Variants in DCK observed in about 807,000 individuals in gnomAD.
DCK encodes deoxycytidine kinase.
Under a neutral mutation model 38.3 loss-of-function variants are expected in DCK, and 23 were observed. That is an observed-to-expected ratio of 0.60 (90% CI 0.43 to 0.85). The LOEUF (loss-of-function observed/expected upper bound fraction) is 0.85. Ranked by LOEUF, DCK falls within the 40% of genes least tolerant of loss-of-function variation. DCK has a pLI of 0.00. For synonymous variants in DCK, 108 were observed against 100.6 expected (o/e 1.07, Z -0.44); for missense variants, 259 against 304.4 (o/e 0.85, Z 1.11).
chr4:71,003,418 T>C (rs1467269775), intron 2 of DCK, among the ~76,000 whole-genome samples: 3 of 152,220 alleles, frequency 2.0e-5, no homozygotes, highest in African/African-American at 7.2e-5. Context: ...CCTTGGTGAA[T>C]CTGACGATTA....
intron 2 of DCK, among the ~76,000 whole-genome samples, chr4:71,014,347 T>A (rs973216944): frequency 6.6e-6 from 1 of 152,084 alleles, no homozygotes; most frequent in Non-Finnish European, 1.5e-5. Flanking sequence ...ACTGTCGACA[T>A]TAGACAGATG....
chr4:70,998,984 TA>T (rs1296715249), intron 2 of DCK, among the ~76,000 whole-genome samples: 1 of 152,134 alleles, frequency 6.6e-6, no homozygotes, highest in African/African-American at 2.4e-5. Flanking sequence ...TTATGCACTT[TA>T]AGTAAAGTAT....
chr4:70,994,698 C>G (rs1578416010), intron 1 of DCK, among the ~76,000 whole-genome samples: 1 of 152,098 alleles, frequency 6.6e-6, no homozygotes, highest in Admixed American at 6.5e-5. Context: ...ATATTATTAA[C>G]GAAACTCGAA....
chr4:71,017,480 A>G (rs1740300860), intron 2 of DCK, among the ~76,000 whole-genome samples: 1 of 152,074 alleles, frequency 6.6e-6, no homozygotes, highest in African/African-American at 2.4e-5. Context: ...ACATGCACAC[A>G]TATGTTTATT....
At chr4:71,012,328 C>A (rs1308596292) in intron 2 of DCK, among the ~76,000 whole-genome samples, 1 of 151,858 alleles carries the variant, frequency 6.6e-6, no homozygotes, top group Non-Finnish European at 1.5e-5. Flanking sequence ...TCTGTAGACT[C>A]CACCTCTGGG....
In DCK at chr4:71,020,282, A is replaced by T. The variant is rs370627414; in HGVS notation, c.208-2085A>T. Among the ~76,000 whole-genome samples, 3 of 152,200 alleles carry T rather than the reference A, an allele frequency of 2.0e-5. No individual in the cohort carries two copies. In the East Asian group the frequency reaches 5.8e-4, roughly 29 times the overall value. ...TATAGGTAGAGACAGGCTTGATTAG[A>T]TTTACTTTCAATTCTTTTTTGGCAA... On this transcript the variant is annotated intron_variant, in intron 2 of 6. Transcript: ENST00000286648.
At chr4:71,012,876 C>A (rs1204144552) in intron 2 of DCK, among the ~76,000 whole-genome samples, 1 of 152,254 alleles carries the variant, frequency 6.6e-6, no homozygotes, top group Non-Finnish European at 1.5e-5. Flanking sequence ...TCCAAAGGAA[C>A]ACAGCTCCTC....
At chr4:71,022,327 T>C in intron 2 of DCK, 40 bp from the exon 3 acceptor site, 3 of 1,223,384 alleles carry the variant, frequency 2.5e-6, no homozygotes, top group Non-Finnish European at 3.4e-6. Flanking sequence ...CTATTGACCA[T>C]TAATTTTGCT....
rs1022491060 is a variant in DCK, at chr4:71,030,901, G to C, written c.*1523G>C. The C allele has an allele frequency of 2.0e-5, 3 of 152,102 alleles. No homozygotes were observed. Among genetic ancestry groups the C allele is most frequent in the Admixed American group, 2.0e-4 (3 of 15,288 alleles). 9.4% of individuals were successfully genotyped at this position (152,102 alleles called of 1,614,324 possible). On this transcript the variant is annotated 3_prime_UTR_variant, in exon 7 of 7. Transcript: ENST00000286648. The stretch of plus-strand genomic sequence containing the variant: ...GCTAATAAAAATTTATTATTTATTT[G>C]TCATGACTCAAAAGTTGTCTCAGTG...
intron 2 of DCK, among the ~76,000 whole-genome samples, chr4:71,016,778 T>C (rs1036689737): frequency 2.0e-5 from 3 of 152,114 alleles, no homozygotes; most frequent in Non-Finnish European, 4.4e-5. Flanking sequence ...ATACAAAAAT[T>C]AATTCAAGAT....
At chr4:71,000,925 A>G (rs928241852) in intron 2 of DCK, among the ~76,000 whole-genome samples, 1 of 152,146 alleles carries the variant, frequency 6.6e-6, no homozygotes, top group African/African-American at 2.4e-5. Flanking sequence ...GGCTGAGATG[A>G]TGGGGTTTTC....
At chr4:71,000,215 G>C (rs1739769453) in intron 2 of DCK, among the ~76,000 whole-genome samples, 1 of 152,108 alleles carries the variant, frequency 6.6e-6, no homozygotes, top group Admixed American at 6.6e-5. Context: ...GTAAGGAAGG[G>C]GTCCAGTTTC....
At chr4:71,004,163 A>T (rs1254615385) in intron 2 of DCK, among the ~76,000 whole-genome samples, 1 of 151,792 alleles carries the variant, frequency 6.6e-6, no homozygotes, top group Non-Finnish European at 1.5e-5. Context: ...CTTTTTGTTG[A>T]TGTTGATGCT....
At chr4:71,007,833 C>T (rs1349406544) in intron 2 of DCK, among the ~76,000 whole-genome samples, 1 of 152,228 alleles carries the variant, frequency 6.6e-6, no homozygotes, top group Non-Finnish European at 1.5e-5. Flanking sequence ...CCTCTCTCCT[C>T]AGCCTCCTGA....
At chr4:71,024,229 A>G (rs1274342841) in intron 4 of DCK, among the ~76,000 whole-genome samples, 2 of 152,182 alleles carry the variant, frequency 1.3e-5, no homozygotes, top group African/African-American at 4.8e-5. Context: ...ATGAGTGGAT[A>G]ATGGCAGCTA....
intron 2 of DCK, among the ~76,000 whole-genome samples, chr4:70,999,512 T>C (rs945826695): frequency 6.6e-6 from 1 of 152,224 alleles, no homozygotes; most frequent in African/African-American, 2.4e-5. Flanking sequence ...GGTAGAATAA[T>C]TTATAATCCT....
At chr4:71,020,765 TTCTTTC>T (rs1197873742) in intron 2 of DCK, among the ~76,000 whole-genome samples, 1 of 152,176 alleles carries the variant, frequency 6.6e-6, no homozygotes, top group African/African-American at 2.4e-5. Flanking sequence ...GTTCAAATTA[TTCTTTC>T]TTTGACCAGT....
Position 71,022,425 on chromosome 4 carries a change from C to G in DCK, c.266C>G (p.Pro89Arg). The G allele has an allele frequency of 6.2e-7, 1 of 1,604,834 alleles. No individual in the cohort carries two copies. The highest frequency in any genetic ancestry group is 8.5e-7 in the Non-Finnish European group (1 of 1,176,450). The change falls in exon 3 of 7, where the codon CCT becomes CGT. Residue 89 changes from proline to arginine, a missense_variant. Physicochemically the swap from Pro to Arg is moderately radical, Grantham distance 103 (BLOSUM62 -2). Around this residue, in one of 3 missense-constraint regions of DCK, gnomAD observed 159 missense variants for 159.0 expected, o/e 1.00. Transcript: ENST00000286648. ...GNVLQMMYEK[P>R]ERWSFTFQTY... ...GTTCTTCAGATGATGTATGAGAAAC[C>G]TGAACGATGGTCTTTTACCTTCCAA...
intron 2 of DCK, among the ~76,000 whole-genome samples, chr4:71,010,118 G>A (rs1161554176): frequency 6.8e-6 from 1 of 148,038 alleles, no homozygotes; most frequent in African/African-American, 2.5e-5. Flanking sequence ...TGATCTCTTC[G>A]TTTAGCAACT....
Sources: gnomAD v4.1 joint callset for allele counts (sites outside exome capture counted in the v4.1 genomes callset) on GRCh38, gnomAD v4.1.1 for gene constraint, gnomAD v4.1.1 regional missense constraint, MANE v1.5 for transcripts, NCBI Gene and HGNC (gene_info 2026-07-23, HGNC 2026-07-21) for gene names.